TLK1: variants seen among roughly 807,000 people sequenced by gnomAD.
The protein encoded by TLK1 is tousled like kinase 1.
In TLK1, 24 loss-of-function variants were observed where a neutral mutation model predicts 105.3. The ratio of observed to expected loss-of-function variants is 0.23; its 90% CI spans 0.17 to 0.32. The LOEUF (loss-of-function observed/expected upper bound fraction) is 0.32, where lower values mean the gene tolerates loss of function less well. Ranked by LOEUF, TLK1 falls within the 10% of genes least tolerant of loss-of-function variation. TLK1 has a pLI of 1.00. For synonymous variants in TLK1, 321 were observed against 310.4 expected, an observed-to-expected ratio of 1.03 and a Z score of -0.36; for missense variants, 558 against 910.5, an observed-to-expected ratio of 0.61 and a Z score of 4.98.
chr2:171,015,715 ACACACACACACACACACCCAC>A (rs1685164679), intron 12 of TLK1, among the ~76,000 whole-genome samples: 1 of 113,226 alleles, frequency 8.8e-6, no homozygotes, highest in Non-Finnish European at 2.2e-5. Context: ...ACACACACAC[ACACACACACACACACACCCAC>A]CCCTTTTTTG....
At chr2:171,046,993 AC>A (rs1295437116) in intron 10 of TLK1, among the ~76,000 whole-genome samples, 1 of 152,182 alleles carries the variant, frequency 6.6e-6, no homozygotes, top group Non-Finnish European at 1.5e-5. Flanking sequence ...AGACAAATTA[AC>A]CTTAATATAA....
At position 171,130,497 on chromosome 2, in the gene TLK1, A is replaced by G. The variant is rs1691058793; in HGVS notation, c.140-12640T>C. Among the ~76,000 whole-genome samples, 5 of 150,018 alleles carry G rather than the reference A, an allele frequency of 3.3e-5. 1 individual carries two copies. In the South Asian group the frequency reaches 1.0e-3, roughly 31 times the overall value. ...CATAAGGTGAGTTAAATGAGATAAT[A>G]CATGTAAGGTTTTGGCAGGTTCCTG... is the stretch of plus-strand genomic sequence containing the variant. On this transcript the variant is annotated intron_variant, in intron 1 of 20. Coordinates refer to ENST00000431350, the MANE Select transcript of TLK1 (RefSeq NM_012290.5).
chr2:171,131,032 C>T (rs1471685018), intron 1 of TLK1, among the ~76,000 whole-genome samples: 2 of 151,920 alleles, frequency 1.3e-5, no homozygotes, highest in African/African-American at 4.8e-5. Context: ...AACGGACACA[C>T]CAACCTGTAA....
At chr2:171,226,036 T>C (rs1240921257) in intron 1 of TLK1, among the ~76,000 whole-genome samples, 3 of 152,150 alleles carry the variant, frequency 2.0e-5, no homozygotes, top group Non-Finnish European at 4.4e-5. Context: ...ACCACCCCCC[T>C]AATATTCTCC....
intron 3 of TLK1, among the ~76,000 whole-genome samples, chr2:171,075,744 A>G (rs1190157564): frequency 6.6e-6 from 1 of 152,194 alleles, no homozygotes; most frequent in African/African-American, 2.4e-5. Flanking sequence ...CGAGAAGAGG[A>G]AAAATGGTTA....
chr2:170,997,968 G>A (rs10196202), intron 18 of TLK1, 145 bp from the exon 19 acceptor site: 14 of 491,150 alleles, frequency 2.9e-5, no homozygotes, highest in Non-Finnish European at 4.7e-5. Context: ...TGAACTTCTG[G>A]AGCATTTACA....
In TLK1 at chr2:170,996,773, ATT is replaced by A; in HGVS notation, c.2017-15_2017-14del. The A allele has an allele frequency of 6.3e-7, 1 of 1,576,446 alleles. No individual in the cohort carries two copies. Among genetic ancestry groups the A allele is most frequent in the Non-Finnish European group, 8.6e-7 (1 of 1,158,332 alleles). The stretch of plus-strand genomic sequence containing the variant: ...TGTGACCAAATGGCTTAAAAAAAAA[ATT>A]AAATGTTGAGATACTTTTCTCACAA... On this transcript the variant is annotated splice_polypyrimidine_tract_variant and intron_variant, in intron 19 of 20. Coordinates refer to ENST00000431350, the MANE Select transcript of TLK1 (RefSeq NM_012290.5).
intron 2 of TLK1, among the ~76,000 whole-genome samples, chr2:171,110,103 G>A (rs909282479): frequency 7.9e-5 from 12 of 152,294 alleles, no homozygotes; most frequent in African/African-American, 2.2e-4. Context: ...GGGGGAATAC[G>A]TGAATGGTTA....
chr2:171,021,588 G>C (rs1685510310), intron 12 of TLK1, among the ~76,000 whole-genome samples: 1 of 151,448 alleles, frequency 6.6e-6, no homozygotes, highest in Non-Finnish European at 1.5e-5. Flanking sequence ...TTTAAACCTA[G>C]TCTTCTACAT....
At chr2:171,227,559 G>A (rs1316631253) in intron 1 of TLK1, among the ~76,000 whole-genome samples, 1 of 110,282 alleles carries the variant, frequency 9.1e-6, no homozygotes, top group African/African-American at 3.3e-5. Flanking sequence ...TCATGAGTTA[G>A]TAAATCTCCT....
chr2:171,130,464 C>A (rs368542311), intron 1 of TLK1, among the ~76,000 whole-genome samples: 2 of 152,174 alleles, frequency 1.3e-5, no homozygotes, highest in African/African-American at 2.4e-5. Context: ...CAGGACACAG[C>A]GTTAATTCAT....
At chr2:171,044,061 A>G (rs1035401682) in intron 11 of TLK1, among the ~76,000 whole-genome samples, 8 of 152,366 alleles carry the variant, frequency 5.3e-5, no homozygotes, top group African/African-American at 1.9e-4. Flanking sequence ...AGAAGAAAGT[A>G]CATTTTGAGA....
intron 1 of TLK1, among the ~76,000 whole-genome samples, chr2:171,196,705 C>G (rs1316025470): frequency 1.2e-4 from 18 of 151,844 alleles, no homozygotes; most frequent in Admixed American, 1.1e-3. Flanking sequence ...AAGGGAAATA[C>G]AAAAAAATGG....
intron 1 of TLK1, chr2:171,159,684 C>A (rs551649448): frequency 1.3e-5 from 2 of 152,378 alleles, no homozygotes; most frequent in African/African-American, 2.4e-5. Context: ...AGCCTGCCCA[C>A]GAGTCAGTCT....
At chr2:171,009,177 A>C (rs1309280458) in intron 14 of TLK1, among the ~76,000 whole-genome samples, 3 of 152,282 alleles carry the variant, frequency 2.0e-5, no homozygotes, top group Non-Finnish European at 4.4e-5. Context: ...TGCATGGTTG[A>C]ACTGATACCA....
chr2:171,129,948 C>T (rs777912654), intron 1 of TLK1, among the ~76,000 whole-genome samples: 4 of 152,234 alleles, frequency 2.6e-5, no homozygotes, highest in Middle Eastern at 3.4e-3. Flanking sequence ...ATTTCATCAA[C>T]ATCATCTTTA....
intron 2 of TLK1, among the ~76,000 whole-genome samples, chr2:171,099,975 T>C (rs1017040088): frequency 6.6e-6 from 1 of 152,160 alleles, no homozygotes; most frequent in African/African-American, 2.4e-5. Flanking sequence ...ATATGACACC[T>C]ACAGAATGAG....
chr2:171,027,674 A>C (rs768314415), intron 12 of TLK1, among the ~76,000 whole-genome samples: 1 of 152,260 alleles, frequency 6.6e-6, no homozygotes, highest in Non-Finnish European at 1.5e-5. Context: ...GAACATAAAC[A>C]ATATGGAATT....
chr2:171,105,227 G>A (rs1689867203), intron 2 of TLK1, among the ~76,000 whole-genome samples: 1 of 152,184 alleles, frequency 6.6e-6, no homozygotes, highest in Admixed American at 6.5e-5. Flanking sequence ...CTGCAAGAAA[G>A]TGATTTGTAA....
Sources: allele counts gnomAD v4.1 joint callset (sites outside exome capture counted in the v4.1 genomes callset), GRCh38; gene constraint gnomAD v4.1.1; transcripts MANE v1.5; gene names NCBI Gene and HGNC (gene_info 2026-07-23, HGNC 2026-07-21).